Variants in CLIC5 observed in about 807,000 individuals in gnomAD.
CLIC5 encodes the protein CLIC family member 5, also known as chloride intracellular channel protein 5.
Under a neutral mutation model 24.7 loss-of-function variants are expected in CLIC5, and 20 were observed. The observed-to-expected ratio is 0.81, with a 90% CI of 0.57 to 1.18. The LOEUF (loss-of-function observed/expected upper bound fraction) is 1.18. CLIC5 is among the 50% of genes most tolerant of loss of function. The pLI, the probability that CLIC5 is intolerant of heterozygous loss-of-function variation, is 0.00. For synonymous variants in CLIC5, 159 were observed against 135.6 expected (o/e 1.17, Z -1.20); for missense variants, 341 against 326.1 (o/e 1.05, Z -0.35).
intron 4 of CLIC5, among the ~76,000 whole-genome samples, chr6:45,928,334 C>T (rs1388353368): frequency 6.6e-6 from 1 of 152,210 alleles, no homozygotes; most frequent in Non-Finnish European, 1.5e-5. Context: ...ACCTGGATTT[C>T]ACATCTTGTC....
chr6:46,014,002 C>T (rs903346979), intron 1 of CLIC5, among the ~76,000 whole-genome samples: 2 of 151,988 alleles, frequency 1.3e-5, no homozygotes, highest in African/African-American at 2.4e-5. Flanking sequence ...CCTTTATTAC[C>T]TGGGTCTGCC....
chr6:46,108,368 T>TTG, the CLIC5 span, among the ~76,000 whole-genome samples: 5,592 of 142,562 alleles, frequency 0.039, 269 homozygotes, highest in African/African-American at 0.11. Flanking sequence ...TATCGGGTCT[T>TTG]TGTGTGTGTG....
intron 4 of CLIC5, among the ~76,000 whole-genome samples, chr6:45,929,528 C>A (rs900722160): frequency 1.3e-5 from 2 of 152,242 alleles, no homozygotes; most frequent in Non-Finnish European, 2.9e-5. Flanking sequence ...TATTTGCACA[C>A]AGGGGTTGCC....
the CLIC5 span, among the ~76,000 whole-genome samples, chr6:46,107,273 TTA>T: frequency 6.6e-6 from 1 of 152,182 alleles, no homozygotes; most frequent in Admixed American, 6.5e-5. Flanking sequence ...ATCTGTGAGT[TTA>T]TGTTTTTGGA....
chr6:45,964,149 C>A (rs377169756), intron 1 of CLIC5, among the ~76,000 whole-genome samples: 1 of 152,182 alleles, frequency 6.6e-6, no homozygotes, highest in African/African-American at 2.4e-5. Flanking sequence ...GCTGTTTCTG[C>A]TCACTAGCCC....
intron 4 of CLIC5, among the ~76,000 whole-genome samples, chr6:45,936,882 G>A (rs1240819051): frequency 6.6e-6 from 1 of 152,138 alleles, no homozygotes; most frequent in Non-Finnish European, 1.5e-5. Context: ...ACCGAGTCAT[G>A]AGAAAATCCA....
intron 1 of CLIC5, among the ~76,000 whole-genome samples, chr6:46,025,475 G>T (rs769640730): frequency 1.3e-5 from 2 of 152,162 alleles, no homozygotes; most frequent in Non-Finnish European, 2.9e-5. Flanking sequence ...CTGGGGATTT[G>T]AATCCCAGGT....
At chr6:46,013,848 T>C (rs1257268557) in intron 1 of CLIC5, among the ~76,000 whole-genome samples, 3 of 152,206 alleles carry the variant, frequency 2.0e-5, no homozygotes, top group Non-Finnish European at 2.9e-5. Context: ...AGAATCGCTT[T>C]CTTCAAGGAG....
At chr6:45,967,976 C>T (rs1034325601) in intron 1 of CLIC5, among the ~76,000 whole-genome samples, 1 of 152,142 alleles carries the variant, frequency 6.6e-6, no homozygotes, top group Admixed American at 6.5e-5. Flanking sequence ...TGAGATTTGG[C>T]GGGGACACAC....
At chr6:45,988,118 G>T (rs564053487) in intron 1 of CLIC5, among the ~76,000 whole-genome samples, 2 of 152,162 alleles carry the variant, frequency 1.3e-5, no homozygotes, top group Non-Finnish European at 2.9e-5. Context: ...AAATTCCTTC[G>T]CAGCTGTGAA....
chr6:45,938,866 G>C (rs1398559339), intron 4 of CLIC5, among the ~76,000 whole-genome samples: 1 of 152,174 alleles, frequency 6.6e-6, no homozygotes, highest in Non-Finnish European at 1.5e-5. Context: ...CTGAAAACGA[G>C]GGTTCGAGAG....
intron 6 of CLIC5, among the ~76,000 whole-genome samples, chr6:45,885,162 T>C (rs957609457): frequency 5.9e-5 from 9 of 152,114 alleles, no homozygotes; most frequent in African/African-American, 1.2e-4. Context: ...GTGATGGTAT[T>C]AGGAAGTGGG....
intron 1 of CLIC5, among the ~76,000 whole-genome samples, chr6:46,038,624 T>C (rs1767726265): frequency 6.6e-6 from 1 of 152,336 alleles, no homozygotes; most frequent in Admixed American, 6.5e-5. Flanking sequence ...TTAGAAAAAT[T>C]CAGTCAGTTC....
intron 1 of CLIC5, among the ~76,000 whole-genome samples, chr6:45,997,009 T>C (rs2127429181): frequency 6.6e-6 from 1 of 152,274 alleles, no homozygotes; most frequent in South Asian, 2.1e-4. Context: ...ACTGGGTATA[T>C]ACCCAAAAGA....
intron 1 of CLIC5, among the ~76,000 whole-genome samples, chr6:46,001,547 C>T (rs1318306910): frequency 6.6e-6 from 1 of 152,164 alleles, no homozygotes; most frequent in African/African-American, 2.4e-5. Flanking sequence ...CAGTGGCTGC[C>T]ACTCTCCCAG....
chr6:46,029,830 G>A (rs550045395), intron 1 of CLIC5, among the ~76,000 whole-genome samples: 9 of 152,242 alleles, frequency 5.9e-5, no homozygotes, highest in African/African-American at 1.9e-4. Context: ...CAAGTAGTTC[G>A]CTCCCATTCA....
At chr6:46,107,377 T>C in the CLIC5 span, among the ~76,000 whole-genome samples, 4 of 152,228 alleles carry the variant, frequency 2.6e-5, no homozygotes, top group Non-Finnish European at 5.9e-5. Flanking sequence ...CAGTTGTGCC[T>C]TCCGGCCTTG....
chr6:46,027,940 T>C (rs1767386927), intron 1 of CLIC5, among the ~76,000 whole-genome samples: 1 of 152,230 alleles, frequency 6.6e-6, no homozygotes, highest in African/African-American at 2.4e-5. Context: ...TACCTTGCTC[T>C]TTTGTCACCT....
chr6:46,008,993 C>G lies in CLIC5; in HGVS notation c.63+6487G>C, dbSNP rs971812273. Among the ~76,000 whole-genome samples, 8 of 152,062 alleles carry G rather than the reference C, an allele frequency of 5.3e-5. No homozygotes were observed. In the South Asian group the frequency reaches 1.7e-3, roughly 31 times the overall value. On this transcript the variant is annotated intron_variant, in intron 1 of 5. Coordinates refer to ENST00000339561, the MANE Select transcript of CLIC5 (RefSeq NM_016929.5). ...CTTCAGAATCACCAGTGGGTAGCTTCTTAAGCATACAGATGCCTGGGCCTC... is the reference window on the plus strand; with the variant it reads ...CTTCAGAATCACCAGTGGGTAGCTTGTTAAGCATACAGATGCCTGGGCCTC...
Sources: gnomAD v4.1 joint callset for allele counts (sites outside exome capture counted in the v4.1 genomes callset) on GRCh38, gnomAD v4.1.1 for gene constraint, MANE v1.5 for transcripts, NCBI Gene and HGNC (gene_info 2026-07-23, HGNC 2026-07-21) for gene names.